The following SND1 variants were observed in gnomAD, a reference collection of about 807,000 sequenced individuals.
SND1 encodes staphylococcal nuclease domain-containing protein 1.
Under a neutral mutation model 121.7 loss-of-function variants are expected in SND1, and 38 were observed. That is an observed-to-expected ratio of 0.31 (90% CI 0.24 to 0.41). SND1 has a LOEUF of 0.41. Among genes scored for constraint, SND1 ranks in the 10% least tolerant of loss-of-function variants. SND1 has a pLI of 1.00. For synonymous variants in SND1, 401 were observed against 447.4 expected (o/e 0.90, Z 1.31); for missense variants, 868 against 1,184.6 (o/e 0.73, Z 3.92).
chr7:127,931,977 T>G (rs1189929916), intron 15 of SND1, among the ~76,000 whole-genome samples: 3 of 152,098 alleles, frequency 2.0e-5, no homozygotes, highest in African/African-American at 7.2e-5. Flanking sequence ...TCTGAAAGAG[T>G]TGTACAAGAA....
intron 12 of SND1, among the ~76,000 whole-genome samples, chr7:127,881,674 G>A (rs563592098): frequency 1.3e-5 from 2 of 152,246 alleles, no homozygotes; most frequent in South Asian, 2.1e-4. Flanking sequence ...TGAAAAGCTC[G>A]CTCTGCCCCT....
intron 16 of SND1, among the ~76,000 whole-genome samples, chr7:128,038,013 A>T (rs1032478470): frequency 1.3e-5 from 2 of 152,194 alleles, no homozygotes; most frequent in Admixed American, 6.5e-5. Flanking sequence ...TGTTCATTGG[A>T]GATTAAGGGA....
At chr7:128,025,685 C>A (rs1484613982) in intron 16 of SND1, among the ~76,000 whole-genome samples, 1 of 152,106 alleles carries the variant, frequency 6.6e-6, no homozygotes, top group African/African-American at 2.4e-5. Context: ...ACCATGATAG[C>A]AAAGGAAGGT....
chr7:127,734,934 C>T lies in SND1; in HGVS notation c.1152+13534C>T, dbSNP rs577238674. ...ATGCAATTTCCAGCTGCCAGACAGA[C>T]CAGAATATTTTGATGGGCCAAGGGC... On this transcript the variant is annotated intron_variant, in intron 10 of 23. Transcript: ENST00000354725. Among the ~76,000 whole-genome samples, 4 of 152,264 alleles carry T rather than the reference C, an allele frequency of 2.6e-5. No individual in the cohort carries two copies. The South Asian group carries it at 8.3e-4, about 32-fold the overall frequency.
At chr7:127,664,923 AC>A (rs1412130480) in intron 1 of SND1, among the ~76,000 whole-genome samples, 1 of 152,204 alleles carries the variant, frequency 6.6e-6, no homozygotes, top group African/African-American at 2.4e-5. Context: ...AAAAACAAAA[AC>A]AATTTTTTTG....
intron 1 of SND1, among the ~76,000 whole-genome samples, chr7:127,668,814 C>T (rs527446659): frequency 1.3e-5 from 2 of 152,262 alleles, no homozygotes; most frequent in Admixed American, 6.5e-5. Context: ...GCAAGCATGC[C>T]CTCACTTCTT....
intron 12 of SND1, among the ~76,000 whole-genome samples, chr7:127,850,417 C>T (rs1799143630): frequency 1.3e-5 from 2 of 152,324 alleles, no homozygotes; most frequent in South Asian, 4.1e-4. Flanking sequence ...AGGCCCACAA[C>T]ATCCTGAAGT....
At chr7:127,724,483 A>C (rs1463603711) in intron 10 of SND1, among the ~76,000 whole-genome samples, 1 of 152,204 alleles carries the variant, frequency 6.6e-6, no homozygotes, top group Non-Finnish European at 1.5e-5. Flanking sequence ...ATGTCCTGTG[A>C]ACATCTTAGG....
At chr7:127,927,765 C>G (rs978314171) in intron 14 of SND1, among the ~76,000 whole-genome samples, 7 of 152,196 alleles carry the variant, frequency 4.6e-5, no homozygotes, top group African/African-American at 1.7e-4. Context: ...TTTGGCTGCT[C>G]TGAAAACTCT....
chr7:128,035,594 G>T (rs1292794708), intron 16 of SND1, among the ~76,000 whole-genome samples: 5 of 152,278 alleles, frequency 3.3e-5, no homozygotes, highest in African/African-American at 4.8e-5. Context: ...TGTCCTTTTT[G>T]ACCTCAGTTC....
intron 12 of SND1, among the ~76,000 whole-genome samples, chr7:127,887,493 A>G (rs990417374): frequency 6.6e-6 from 1 of 152,126 alleles, no homozygotes; most frequent in Non-Finnish European, 1.5e-5. Flanking sequence ...TGTCGGCTAG[A>G]AAGATTTTGA....
intron 16 of SND1, among the ~76,000 whole-genome samples, chr7:128,047,017 T>A (rs1439502874): frequency 6.6e-6 from 1 of 152,212 alleles, no homozygotes; most frequent in Non-Finnish European, 1.5e-5. Flanking sequence ...TATCCTGATT[T>A]TGATGGGTTT....
At chr7:127,801,690 C>T (rs1798130584) in intron 10 of SND1, among the ~76,000 whole-genome samples, 1 of 152,142 alleles carries the variant, frequency 6.6e-6, no homozygotes, top group South Asian at 2.1e-4. Context: ...CTTATCTTCG[C>T]TCTGCCGCCT....
chr7:127,812,894 T>TTAAG (rs1177131335), intron 11 of SND1, among the ~76,000 whole-genome samples: 2 of 152,224 alleles, frequency 1.3e-5, no homozygotes, highest in African/African-American at 4.8e-5. Flanking sequence ...TTACCTCTAT[T>TTAAG]TAAGTTTGGA....
intron 11 of SND1, among the ~76,000 whole-genome samples, chr7:127,836,714 A>G (rs1798874756): frequency 6.6e-6 from 1 of 152,196 alleles, no homozygotes; most frequent in South Asian, 2.1e-4. Context: ...ATTAACTACA[A>G]AAACAGTTAT....
chr7:127,812,580 T>C (rs1342443765), intron 11 of SND1, among the ~76,000 whole-genome samples: 1 of 152,176 alleles, frequency 6.6e-6, no homozygotes, highest in African/African-American at 2.4e-5. Context: ...TGTTGCTTTT[T>C]TTTATCTTGG....
At chr7:127,719,614 T>G (rs942562982) in intron 9 of SND1, among the ~76,000 whole-genome samples, 1 of 152,218 alleles carries the variant, frequency 6.6e-6, no homozygotes, top group Non-Finnish European at 1.5e-5. Context: ...GGAGAATGGT[T>G]ATGGTTATTT....
At chr7:128,005,958 T>C (rs1029804810) in intron 16 of SND1, among the ~76,000 whole-genome samples, 121 of 152,212 alleles carry the variant, frequency 7.9e-4, no homozygotes, top group Non-Finnish European at 2.2e-4. Flanking sequence ...GAATGTAAAA[T>C]GAGTGTGCTG....
intron 10 of SND1, among the ~76,000 whole-genome samples, chr7:127,776,580 T>C (rs1379985687): frequency 2.0e-5 from 3 of 152,174 alleles, no homozygotes; most frequent in African/African-American, 7.2e-5. Flanking sequence ...ATAAAATAGT[T>C]CCTCTTATTT....
Sources: allele counts gnomAD v4.1 joint callset (sites outside exome capture counted in the v4.1 genomes callset), GRCh38; gene constraint gnomAD v4.1.1; transcripts MANE v1.5; gene names NCBI Gene and HGNC (gene_info 2026-07-23, HGNC 2026-07-21).